FAM227B: variants seen among roughly 807,000 people sequenced by gnomAD.
FAM227B encodes protein FAM227B.
A neutral mutation model predicts 73.8 loss-of-function variants in FAM227B; 88 were observed. The observed-to-expected ratio is 1.19, with a 90% CI of 1.00 to 1.42. The LOEUF is 1.42. Among genes scored for constraint, FAM227B ranks in the 40% most tolerant of loss-of-function variants. The probability of loss-of-function intolerance (pLI) is 0.00; values close to 1 mark genes in which losing one functional copy is unlikely to be tolerated. For missense variants in FAM227B, 632 were observed against 590.9 expected, an observed-to-expected ratio of 1.07 and a Z score of -0.72; for synonymous variants, 210 against 190.5, an observed-to-expected ratio of 1.10 and a Z score of -0.84.
At position 49,463,823 on chromosome 15, in the gene FAM227B, G is replaced by A. The variant is rs777751720; in HGVS notation, c.1012+44388C>T. Among the ~76,000 whole-genome samples the A allele has an allele frequency of 3.9e-4, 60 of 152,278 alleles. 1 individual carries two copies. Among genetic ancestry groups the A allele is most frequent in the Non-Finnish European group, 7.2e-4 (49 of 68,024 alleles). On this transcript the variant is annotated intron_variant, in intron 11 of 15. Coordinates refer to ENST00000299338, the MANE Select transcript of FAM227B (RefSeq NM_152647.3). ...AGGAAAGGCAAGGCAGCTTCTGTAA[G>A]GGGAAAATTGTAAGTATTTGCTAAC...
At chr15:49,522,146 T>C (rs1250197211) in intron 10 of FAM227B, among the ~76,000 whole-genome samples, 1 of 152,168 alleles carries the variant, frequency 6.6e-6, no homozygotes, top group African/African-American at 2.4e-5. Context: ...AGGAGCCATT[T>C]GAGAAAATCA....
chr15:49,407,679 AAT>A lies in FAM227B; in HGVS notation c.1013-36282_1013-36281del, dbSNP rs897443665. Among the ~76,000 whole-genome samples, 18 of 147,902 alleles carry A rather than the reference AAT, an allele frequency of 1.2e-4. 1 individual carries two copies. Among genetic ancestry groups the A allele is most frequent in the South Asian group, 8.4e-4 (4 of 4,764 alleles). ...TATTATATTAATTATATATAGTACT[AAT>A]ATATATATAATATGTATTTATATAT... On this transcript the variant is annotated intron_variant, in intron 11 of 15. Coordinates refer to ENST00000299338, the MANE Select transcript of FAM227B (RefSeq NM_152647.3).
At chr15:49,336,233 T>G (rs1318931639) in intron 13 of FAM227B, among the ~76,000 whole-genome samples, 1 of 152,260 alleles carries the variant, frequency 6.6e-6, no homozygotes, top group Non-Finnish European at 1.5e-5. Flanking sequence ...AGAAAGGTGG[T>G]AATCAGAATG....
At chr15:49,500,311 A>T (rs1206912750) in intron 11 of FAM227B, among the ~76,000 whole-genome samples, 1 of 152,258 alleles carries the variant, frequency 6.6e-6, no homozygotes, top group Non-Finnish European at 1.5e-5. Context: ...ATTTGAACAG[A>T]CACTTCAGCA....
At chr15:49,607,731 G>C (rs969154998) in intron 3 of FAM227B, among the ~76,000 whole-genome samples, 1 of 152,030 alleles carries the variant, frequency 6.6e-6, no homozygotes, top group Non-Finnish European at 1.5e-5. Context: ...GGTAATCAAG[G>C]GATAGACTGG....
chr15:49,430,403 T>C (rs2050498901), intron 11 of FAM227B, among the ~76,000 whole-genome samples: 1 of 151,796 alleles, frequency 6.6e-6, no homozygotes, highest in African/African-American at 2.4e-5. Context: ...ATCTCACCTC[T>C]CATGGCCACA....
chr15:49,462,271 T>C (rs893984246), intron 11 of FAM227B, among the ~76,000 whole-genome samples: 23 of 152,238 alleles, frequency 1.5e-4, no homozygotes, highest in Non-Finnish European at 2.5e-4. Context: ...GAAAGTGGTC[T>C]CATTATTTAA....
At chr15:49,396,745 C>G (rs2047690228) in intron 11 of FAM227B, among the ~76,000 whole-genome samples, 1 of 147,878 alleles carries the variant, frequency 6.8e-6, no homozygotes, top group Non-Finnish European at 1.5e-5. Context: ...ACACTGACAC[C>G]TCACACGGCA....
intron 9 of FAM227B, among the ~76,000 whole-genome samples, chr15:49,561,043 C>A (rs964645422): frequency 2.6e-5 from 4 of 152,058 alleles, no homozygotes; most frequent in Admixed American, 6.5e-5. Flanking sequence ...TTACTTTGAA[C>A]GTATATTGTC....
intron 11 of FAM227B, chr15:49,396,144 G>A (rs1195703543): frequency 2.7e-5 from 10 of 365,196 alleles, no homozygotes; most frequent in Admixed American, 1.7e-4. Flanking sequence ...TGTGCTCACC[G>A]TGTGCGAGCC....
At chr15:49,609,009 T>C (rs919465372) in intron 3 of FAM227B, among the ~76,000 whole-genome samples, 1 of 151,952 alleles carries the variant, frequency 6.6e-6, no homozygotes. Context: ...TGTAGATTCC[T>C]TAAGAGTAGA....
At chr15:49,502,213 G>A (rs544472363) in intron 11 of FAM227B, among the ~76,000 whole-genome samples, 9 of 152,276 alleles carry the variant, frequency 5.9e-5, no homozygotes, top group East Asian at 1.9e-4. Context: ...CTGCCTAGTC[G>A]AACTGTGAGA....
At chr15:49,598,638 TGA>T (rs1205345245) in intron 3 of FAM227B, among the ~76,000 whole-genome samples, 1 of 152,058 alleles carries the variant, frequency 6.6e-6, no homozygotes, top group Non-Finnish European at 1.5e-5. Context: ...CCTAATTTGC[TGA>T]GAGTTTTTAA....
intron 1 of FAM227B, among the ~76,000 whole-genome samples, chr15:49,616,622 C>G (rs911142405): frequency 4.6e-5 from 7 of 152,010 alleles, no homozygotes; most frequent in Non-Finnish European, 1.0e-4. Flanking sequence ...GGACTTCTGG[C>G]CTTTAAAACT....
intron 11 of FAM227B, among the ~76,000 whole-genome samples, chr15:49,387,059 T>C (rs7166721): frequency 0.99 from 151,092 of 151,966 alleles, 75,113 homozygotes; most frequent in East Asian, 1. Context: ...CTGAATTCTA[T>C]CAGACATTCA....
At chr15:49,549,439 G>C (rs185968490) in intron 9 of FAM227B, among the ~76,000 whole-genome samples, 2,214 of 152,090 alleles carry the variant, frequency 0.015, 72 homozygotes, top group African/African-American at 0.051. Flanking sequence ...GTGAACAAAG[G>C]TCTCTGGTTT....
intron 11 of FAM227B, among the ~76,000 whole-genome samples, chr15:49,379,692 T>G (rs922857060): frequency 6.6e-6 from 1 of 152,224 alleles, no homozygotes; most frequent in East Asian, 1.9e-4. Flanking sequence ...CAGAATCCTC[T>G]GGATTACAAG....
At chr15:49,616,603 C>A (rs2078303399) in intron 1 of FAM227B, among the ~76,000 whole-genome samples, 1 of 152,248 alleles carries the variant, frequency 6.6e-6, no homozygotes, top group East Asian at 1.9e-4. Flanking sequence ...CTGATGGCAC[C>A]TTGGTCTTGG....
chr15:49,539,833 A>G (rs918662896), intron 10 of FAM227B, among the ~76,000 whole-genome samples: 1 of 152,158 alleles, frequency 6.6e-6, no homozygotes, highest in Non-Finnish European at 1.5e-5. Flanking sequence ...AAGTGAAGAC[A>G]TGTGTGGAGT....
Sources: allele counts gnomAD v4.1 joint callset (sites outside exome capture counted in the v4.1 genomes callset), GRCh38; gene constraint gnomAD v4.1.1; transcripts MANE v1.5; gene names NCBI Gene and HGNC (gene_info 2026-07-23, HGNC 2026-07-21).